Variants in UST observed in about 807,000 individuals in gnomAD.
The protein encoded by UST is chondroitin sulfate 2-O-sulfotransferase.
UST carries 21 observed loss-of-function variants against 45.6 expected under a neutral mutation model. The observed-to-expected ratio is 0.46, with a 90% CI of 0.33 to 0.66. The LOEUF (loss-of-function observed/expected upper bound fraction) is 0.66. Ranked by LOEUF, UST falls within the 30% of genes least tolerant of loss-of-function variation. The pLI is 0.02. For missense variants in UST, 463 were observed against 512.4 expected, an observed-to-expected ratio of 0.90 and a Z score of 0.93; for synonymous variants, 215 against 200.6, an observed-to-expected ratio of 1.07 and a Z score of -0.61.
At chr6:149,060,987 C>T (rs986559593) in intron 7 of UST, among the ~76,000 whole-genome samples, 7 of 152,134 alleles carry the variant, frequency 4.6e-5, no homozygotes, top group Admixed American at 6.5e-5. Context: ...AAAACAAGTG[C>T]AGATTGTTAA....
chr6:148,763,762 C>T (rs999754671), intron 1 of UST, among the ~76,000 whole-genome samples: 4 of 152,094 alleles, frequency 2.6e-5, no homozygotes, highest in African/African-American at 9.7e-5. Flanking sequence ...TATCCTTTCC[C>T]CATCGTATAT....
intron 1 of UST, among the ~76,000 whole-genome samples, chr6:148,771,111 A>C (rs1776417121): frequency 6.6e-6 from 1 of 152,092 alleles, no homozygotes; most frequent in Admixed American, 6.6e-5. Flanking sequence ...ATGGAAAGAA[A>C]AATCTCCAGT....
intron 2 of UST, among the ~76,000 whole-genome samples, chr6:148,919,040 T>A (rs1441020755): frequency 2.6e-5 from 4 of 152,186 alleles, no homozygotes; most frequent in Non-Finnish European, 5.9e-5. Context: ...AAGCCTGTGA[T>A]CTTTACTATA....
chr6:149,012,756 A>G (rs975315325), intron 5 of UST, among the ~76,000 whole-genome samples: 1 of 144,202 alleles, frequency 6.9e-6, no homozygotes, highest in African/African-American at 2.6e-5. Context: ...ATGTTTCTGT[A>G]TTTTTCTTCC....
chr6:148,953,153 C>G (rs1356428359), intron 3 of UST, among the ~76,000 whole-genome samples: 1 of 152,120 alleles, frequency 6.6e-6, no homozygotes, highest in Non-Finnish European at 1.5e-5. Flanking sequence ...TCATTTTATT[C>G]CATTTTTAAA....
At chr6:148,981,263 ATT>A (rs1781127807) in intron 5 of UST, among the ~76,000 whole-genome samples, 1 of 152,322 alleles carries the variant, frequency 6.6e-6, no homozygotes, top group South Asian at 2.1e-4. Flanking sequence ...CTGTGATCTT[ATT>A]TTAGAGTTGA....
At chr6:149,044,256 A>G (rs1047630223) in intron 7 of UST, among the ~76,000 whole-genome samples, 1 of 152,152 alleles carries the variant, frequency 6.6e-6, no homozygotes, top group African/African-American at 2.4e-5. Flanking sequence ...TGAGACTTCT[A>G]CCAGTTCTTA....
intron 1 of UST, among the ~76,000 whole-genome samples, chr6:148,789,914 T>C (rs1285756204): frequency 6.6e-6 from 1 of 151,846 alleles, no homozygotes; most frequent in African/African-American, 2.4e-5. Context: ...ATTTTCATAA[T>C]GAAGACTCAT....
At position 148,990,494 on chromosome 6, in the gene UST, T is replaced by C. The variant is rs912371312; in HGVS notation, c.681+25931T>C. On this transcript the variant is annotated intron_variant, in intron 5 of 7. Coordinates refer to ENST00000367463, the MANE Select transcript of UST (RefSeq NM_005715.3). ...TTAACGTGACACCAGTGTGTTTTCC[T>C]GGATAAAATTACAATCCCAGATATT... 7 of 702,808 alleles carry C rather than the reference T, an allele frequency of 1.0e-5. No homozygotes were observed. The South Asian group carries it at 4.5e-4, about 45-fold the overall frequency. 43.5% of individuals were successfully genotyped at this position (702,808 alleles called of 1,614,324 possible).
intron 5 of UST, among the ~76,000 whole-genome samples, chr6:148,973,439 A>G (rs931721328): frequency 1.3e-5 from 2 of 152,244 alleles, no homozygotes; most frequent in Non-Finnish European, 2.9e-5. Flanking sequence ...CTTTAAATGC[A>G]GGCCAATTCA....
intron 1 of UST, among the ~76,000 whole-genome samples, chr6:148,762,515 G>A (rs1346928209): frequency 6.6e-6 from 1 of 151,070 alleles, no homozygotes; most frequent in African/African-American, 2.4e-5. Flanking sequence ...GCTGAATTTG[G>A]TTGCTGGGCA....
At chr6:149,012,826 A>C (rs9498192) in intron 5 of UST, among the ~76,000 whole-genome samples, 1 of 150,906 alleles carries the variant, frequency 6.6e-6, no homozygotes, top group Non-Finnish European at 1.5e-5. Context: ...AAAAAAAACT[A>C]TCAGAATCAC....
At chr6:148,980,876 C>A (rs922991027) in intron 5 of UST, among the ~76,000 whole-genome samples, 3 of 152,040 alleles carry the variant, frequency 2.0e-5, no homozygotes, top group African/African-American at 7.3e-5. Context: ...CAAGCCACCA[C>A]GCCTGACTAA....
chr6:148,849,684 C>A (rs917122111), intron 1 of UST, among the ~76,000 whole-genome samples: 12 of 152,026 alleles, frequency 7.9e-5, no homozygotes, highest in African/African-American at 2.4e-4. Context: ...AGGGGAAGCA[C>A]CTTATAAAAC....
At chr6:148,789,989 C>CTTTTTTTTTTTTTT (rs56987468) in intron 1 of UST, among the ~76,000 whole-genome samples, 1 of 127,044 alleles carries the variant, frequency 7.9e-6, no homozygotes, top group African/African-American at 2.9e-5. Context: ...TTTCAGGATT[C>CTTTTTTTTTTTTTT]TTTTTTTTTT....
chr6:148,871,166 CTG>C (rs1778551964), intron 1 of UST, among the ~76,000 whole-genome samples: 1 of 151,000 alleles, frequency 6.6e-6, no homozygotes, highest in Non-Finnish European at 1.5e-5. Flanking sequence ...CTCTCTCTCT[CTG>C]TCCTTCTCTC....
At chr6:148,905,044 G>C (rs935297634) in intron 2 of UST, among the ~76,000 whole-genome samples, 5 of 152,310 alleles carry the variant, frequency 3.3e-5, no homozygotes, top group Middle Eastern at 3.4e-3. Flanking sequence ...CTCTCTCTCT[G>C]AGTTTTGTTT....
chr6:148,830,892 G>T (rs1398998598), intron 1 of UST, among the ~76,000 whole-genome samples: 1 of 152,074 alleles, frequency 6.6e-6, no homozygotes, highest in African/African-American at 2.4e-5. Flanking sequence ...GGTGATGACT[G>T]CACAACATTG....
At chr6:148,900,543 G>A (rs557046055) in intron 2 of UST, among the ~76,000 whole-genome samples, 9 of 152,260 alleles carry the variant, frequency 5.9e-5, no homozygotes, top group East Asian at 1.9e-4. Context: ...ACCTTCTGCC[G>A]TGATTGTGAG....
Sources: gnomAD v4.1 joint callset for allele counts (sites outside exome capture counted in the v4.1 genomes callset) on GRCh38, gnomAD v4.1.1 for gene constraint, MANE v1.5 for transcripts, NCBI Gene and HGNC (gene_info 2026-07-23, HGNC 2026-07-21) for gene names.